KLHL1: variants seen among roughly 807,000 people sequenced by gnomAD.
KLHL1 encodes the protein kelch like family member 1, also known as kelch-like protein 1.
Under a neutral mutation model 77.7 loss-of-function variants are expected in KLHL1, and 47 were observed. The observed-to-expected ratio is 0.60, with a 90% CI of 0.48 to 0.77. KLHL1 has a LOEUF of 0.77. KLHL1 is among the 30% of genes least tolerant of loss of function. The pLI, the probability that KLHL1 is intolerant of heterozygous loss-of-function variation, is 0.00. For missense variants in KLHL1, 925 were observed against 910.8 expected (o/e 1.02, Z -0.20); for synonymous variants, 360 against 325.2 (o/e 1.11, Z -1.15).
chr13:69,751,665 C>A (rs541415414), intron 7 of KLHL1, among the ~76,000 whole-genome samples: 2 of 152,134 alleles, frequency 1.3e-5, no homozygotes, highest in East Asian at 3.9e-4. Context: ...CAGTGTGGGG[C>A]CTTGTATGCC....
At chr13:69,844,605 T>C (rs1566316846) in intron 5 of KLHL1, among the ~76,000 whole-genome samples, 1 of 151,602 alleles carries the variant, frequency 6.6e-6, no homozygotes, top group African/African-American at 2.4e-5. Flanking sequence ...ACATGTGAGT[T>C]TGGGTAGGAC....
Position 69,828,452 on chromosome 13 carries a change from G to A in KLHL1, c.1414+10524C>T, listed in dbSNP as rs1878632233. ...GGGGTTCTTGGGGAGGGAAGCCAGT[G>A]GAATTGGGAAAGGACCACAGGGAGA... is the stretch of plus-strand genomic sequence containing the variant. On this transcript the variant is annotated intron_variant, in intron 6 of 10. Transcript: ENST00000377844. Among the ~76,000 whole-genome samples the A allele has an allele frequency of 2.0e-5, 3 of 150,090 alleles. 1 individual carries two copies. The highest frequency in any genetic ancestry group is 4.2e-4 in the South Asian group (2 of 4,792).
At chr13:69,983,576 C>CA (rs1282357751) in intron 1 of KLHL1, among the ~76,000 whole-genome samples, 3,033 of 40,740 alleles carry the variant, frequency 0.074, 67 homozygotes, top group Middle Eastern at 0.12. Flanking sequence ...CCTATCTTTA[C>CA]AAAAAAAAAA....
At chr13:70,086,454 A>C (rs1426033466) in intron 1 of KLHL1, among the ~76,000 whole-genome samples, 1 of 150,836 alleles carries the variant, frequency 6.6e-6, no homozygotes, top group Non-Finnish European at 1.5e-5. Flanking sequence ...GGTGGTGGGC[A>C]CCTGTAATCC....
intron 1 of KLHL1, among the ~76,000 whole-genome samples, chr13:70,075,435 A>G (rs912580152): frequency 1.3e-5 from 2 of 150,758 alleles, no homozygotes; most frequent in African/African-American, 4.9e-5. Flanking sequence ...TTCCCACAAA[A>G]TTTTATTAAA....
chr13:69,761,684 A>G (rs1026843880), intron 7 of KLHL1, among the ~76,000 whole-genome samples: 4 of 152,202 alleles, frequency 2.6e-5, no homozygotes, highest in African/African-American at 7.2e-5. Flanking sequence ...AACGCATTTA[A>G]TAAATGTGCT....
chr13:69,860,407 T>C lies in KLHL1; in HGVS notation c.1228-21245A>G, dbSNP rs1593895772. On this transcript the variant is annotated intron_variant, in intron 5 of 10. Coordinates refer to ENST00000377844, the MANE Select transcript of KLHL1 (RefSeq NM_020866.3). ...AATGTTAGTGGCATTGTAAGATAGT[T>C]GCCTCTTTTTTAAAAAACGAGCAAA... Among the ~76,000 whole-genome samples, 4 of 152,104 alleles carry C rather than the reference T, an allele frequency of 2.6e-5. No individual in the cohort carries two copies. The South Asian group carries it at 8.3e-4, about 31-fold the overall frequency.
chr13:69,829,356 C>T (rs1332419593), intron 6 of KLHL1, among the ~76,000 whole-genome samples: 4 of 150,004 alleles, frequency 2.7e-5, no homozygotes, highest in Non-Finnish European at 1.5e-5. Context: ...CACTGCAGTC[C>T]AGCTCTCAGG....
intron 6 of KLHL1, among the ~76,000 whole-genome samples, chr13:69,799,955 T>A (rs1268277989): frequency 2.6e-5 from 4 of 152,106 alleles, no homozygotes; most frequent in African/African-American, 4.8e-5. Flanking sequence ...ATGGGAGGGA[T>A]CTAGGTTGAT....
At chr13:69,949,691 T>C (rs1883644138) in intron 3 of KLHL1, among the ~76,000 whole-genome samples, 3 of 151,876 alleles carry the variant, frequency 2.0e-5, no homozygotes, top group Admixed American at 1.3e-4. Context: ...GGGAAATTTG[T>C]CTATTCTCCA....
chr13:70,086,597 AGAAAGAAAGAAAGAAAGAAAGAAAG>A (rs1887547149), intron 1 of KLHL1, among the ~76,000 whole-genome samples: 13 of 57,088 alleles, frequency 2.3e-4, no homozygotes, highest in Non-Finnish European at 4.2e-4. Context: ...AAAAAAAGAA[AGAAAGAAAGAAAGAAAGAAAGAAAG>A]AAAGAAAGAA....
chr13:69,800,666 T>C (rs1452853981), intron 6 of KLHL1, among the ~76,000 whole-genome samples: 1 of 152,308 alleles, frequency 6.6e-6, no homozygotes, highest in African/African-American at 2.4e-5. Flanking sequence ...CTTTATTAGC[T>C]TTCTATCTAA....
intron 5 of KLHL1, among the ~76,000 whole-genome samples, chr13:69,866,065 T>C (rs987834546): frequency 3.3e-5 from 5 of 152,098 alleles, no homozygotes; most frequent in Non-Finnish European, 7.4e-5. Flanking sequence ...AGAGTTCAGG[T>C]TTTACTGTGA....
At chr13:69,891,946 AT>A (rs1256946295) in intron 4 of KLHL1, among the ~76,000 whole-genome samples, 1 of 151,942 alleles carries the variant, frequency 6.6e-6, no homozygotes, top group Admixed American at 6.6e-5. Flanking sequence ...TACTACTTCT[AT>A]TTTTTTGATT....
At chr13:69,820,939 G>C (rs1008549877) in intron 6 of KLHL1, among the ~76,000 whole-genome samples, 1 of 152,168 alleles carries the variant, frequency 6.6e-6, no homozygotes, top group African/African-American at 2.4e-5. Context: ...TTCTTGGAAA[G>C]GGCAATAGTA....
intron 2 of KLHL1, among the ~76,000 whole-genome samples, chr13:69,969,037 A>G (rs1021169514): frequency 2.9e-5 from 4 of 138,682 alleles, no homozygotes; most frequent in Non-Finnish European, 6.3e-5. Flanking sequence ...GGAAATTATT[A>G]TCTAAAACTT....
intron 1 of KLHL1, among the ~76,000 whole-genome samples, chr13:70,103,774 G>A (rs1169536728): frequency 6.6e-6 from 1 of 152,126 alleles, no homozygotes; most frequent in East Asian, 1.9e-4. Context: ...TACAGTAGAA[G>A]GAAATTGAGC....
At chr13:69,953,676 C>G (rs1372097621) in intron 3 of KLHL1, among the ~76,000 whole-genome samples, 1 of 150,938 alleles carries the variant, frequency 6.6e-6, no homozygotes, top group Non-Finnish European at 1.5e-5. Context: ...AAATTACAAG[C>G]TAGTTGTTTA....
At chr13:70,078,582 A>T (rs1692625652) in intron 1 of KLHL1, among the ~76,000 whole-genome samples, 1 of 152,248 alleles carries the variant, frequency 6.6e-6, no homozygotes. Flanking sequence ...TTGAAAAGCC[A>T]CTAATAAGAT....
Sources: allele counts gnomAD v4.1 joint callset (sites outside exome capture counted in the v4.1 genomes callset), GRCh38; gene constraint gnomAD v4.1.1; transcripts MANE v1.5; gene names NCBI Gene and HGNC (gene_info 2026-07-23, HGNC 2026-07-21).